Variants in STK39 observed in about 807,000 individuals in gnomAD.
STK39 encodes STE20/SPS1-related proline-alanine-rich protein kinase.
In STK39, 20 loss-of-function variants were observed where a neutral mutation model predicts 77.8. The observed-to-expected ratio is 0.26, with a 90% confidence interval of 0.18 to 0.37. The LOEUF (loss-of-function observed/expected upper bound fraction) is 0.37, where lower values mean the gene tolerates loss of function less well. Among genes scored for constraint, STK39 ranks in the 10% least tolerant of loss-of-function variants. STK39 has a pLI of 1.00. For synonymous variants in STK39, 246 were observed against 234.1 expected (o/e 1.05, Z -0.47); for missense variants, 479 against 656.5 (o/e 0.73, Z 2.95).
intron 5 of STK39, among the ~76,000 whole-genome samples, chr2:168,145,170 TC>T (rs1688103337): frequency 6.6e-6 from 1 of 151,854 alleles, no homozygotes; most frequent in African/African-American, 2.4e-5. Flanking sequence ...GGAAACAAAT[TC>T]CAGACAAAGA....
chr2:168,044,383 G>C (rs985098795), intron 14 of STK39, among the ~76,000 whole-genome samples: 2 of 152,166 alleles, frequency 1.3e-5, no homozygotes, highest in African/African-American at 4.8e-5. Flanking sequence ...ACTACGATAA[G>C]TTTGGAGTCC....
chr2:168,048,196 T>C (rs1240067372), intron 14 of STK39, among the ~76,000 whole-genome samples: 2 of 151,644 alleles, frequency 1.3e-5, no homozygotes, highest in African/African-American at 4.8e-5. Context: ...AGTTATTTTC[T>C]ACCTCCTTCT....
intron 14 of STK39, among the ~76,000 whole-genome samples, chr2:168,057,041 G>A (rs962915410): frequency 6.6e-6 from 1 of 152,164 alleles, no homozygotes; most frequent in Admixed American, 6.5e-5. Context: ...GAGGGGTGCT[G>A]GGGTGAGAGA....
intron 3 of STK39, among the ~76,000 whole-genome samples, chr2:168,164,207 G>A (rs1688643406): frequency 6.6e-6 from 1 of 152,144 alleles, no homozygotes; most frequent in African/African-American, 2.4e-5. Context: ...CAAAGAGGGT[G>A]CAAAAAGTCT....
At position 168,226,438 on chromosome 2, in the gene STK39, TA is replaced by T. The variant is rs1312969653; in HGVS notation, c.208+20789del. 3.3e-5 allele frequency among the ~76,000 whole-genome samples: 5 copies of T among 152,314 alleles called. No homozygotes were observed. In the East Asian group the frequency reaches 7.7e-4, roughly 23 times the overall value. Reference sequence around the variant, plus strand: ...GTTCCTTACAACCTAAAGGGCAGATTAACCAATTTTGTTATATTCTATAATC... The same window carrying T: ...GTTCCTTACAACCTAAAGGGCAGATTACCAATTTTGTTATATTCTATAATC... On this transcript the variant is annotated intron_variant, in intron 1 of 17. Coordinates refer to ENST00000355999, the MANE Select transcript of STK39 (RefSeq NM_013233.3).
intron 1 of STK39, among the ~76,000 whole-genome samples, chr2:168,195,262 T>C (rs1689439339): frequency 6.6e-6 from 1 of 152,054 alleles, no homozygotes; most frequent in Non-Finnish European, 1.5e-5. Context: ...TAGCCAGGCA[T>C]GGTGGCACAT....
chr2:168,068,965 G>A (rs1265887908), intron 12 of STK39, among the ~76,000 whole-genome samples: 1 of 152,108 alleles, frequency 6.6e-6, no homozygotes, highest in Non-Finnish European at 1.5e-5. Context: ...CACCTAGGCT[G>A]GAGTGCAGTG....
chr2:168,232,451 A>G (rs2105263088), intron 1 of STK39, among the ~76,000 whole-genome samples: 1 of 152,352 alleles, frequency 6.6e-6, no homozygotes, highest in Middle Eastern at 3.4e-3. Context: ...ATGGCTAAAA[A>G]TAATTTCATT....
chr2:168,205,567 G>A (rs542665839), intron 1 of STK39, among the ~76,000 whole-genome samples: 1 of 152,276 alleles, frequency 6.6e-6, no homozygotes, highest in South Asian at 2.1e-4. Flanking sequence ...CACTTTGGGA[G>A]GCTGAGGAAG....
At chr2:168,161,890 A>G in intron 4 of STK39, 48 bp from the exon 5 acceptor site, 1 of 1,408,460 alleles carries the variant, frequency 7.1e-7, no homozygotes, top group Non-Finnish European at 9.9e-7. Flanking sequence ...CAGACTTTAT[A>G]GTGTATTGAT....
intron 1 of STK39, among the ~76,000 whole-genome samples, chr2:168,210,780 T>C (rs1219645462): frequency 6.6e-6 from 1 of 152,100 alleles, no homozygotes; most frequent in Non-Finnish European, 1.5e-5. Flanking sequence ...TCAGCCTCCC[T>C]AAGTGCTGAA....
intron 14 of STK39, among the ~76,000 whole-genome samples, chr2:168,045,357 C>T (rs1035531757): frequency 4.0e-5 from 6 of 151,754 alleles, no homozygotes; most frequent in African/African-American, 1.2e-4. Flanking sequence ...GCCTCACCCA[C>T]CCCCACACCC....
chr2:168,218,474 G>A (rs1378936658), intron 1 of STK39, among the ~76,000 whole-genome samples: 5 of 152,296 alleles, frequency 3.3e-5, no homozygotes, highest in African/African-American at 9.6e-5. Context: ...ATAGGACAGC[G>A]GTATTTGCGT....
chr2:167,976,049 C>CA (rs1306080078), intron 16 of STK39, among the ~76,000 whole-genome samples: 1 of 152,184 alleles, frequency 6.6e-6, no homozygotes, highest in Non-Finnish European at 1.5e-5. Flanking sequence ...AAGAACTCCT[C>CA]AAAAAACTAT....
chr2:168,133,084 C>A (rs1019536097), intron 8 of STK39, among the ~76,000 whole-genome samples: 1 of 152,088 alleles, frequency 6.6e-6, no homozygotes, highest in African/African-American at 2.4e-5. Context: ...AAAGTGCCTC[C>A]CTGTCTCCTC....
In STK39 at chr2:168,153,639, TGG is replaced by T. The variant is rs11340305; in HGVS notation, c.628+8146_628+8147del. Among the ~76,000 whole-genome samples, 9 of 135,236 alleles carry T rather than the reference TGG, an allele frequency of 6.7e-5. No individual in the cohort carries two copies. The East Asian group carries it at 8.3e-4, about 12-fold the overall frequency. The allele number at this position is 135,236 out of a possible 152,430, so 88.7% of individuals were successfully genotyped here. A position where few individuals can be genotyped will look rare whatever the true frequency, so the allele number is the denominator to read the frequency against. Reference sequence around the variant, plus strand: ...AGGGCAGGGAATACAAAATATGGGGTGGGGGGGGGTTACAATATGAGGCCTGG... The same window carrying T: ...AGGGCAGGGAATACAAAATATGGGGTGGGGGGGTTACAATATGAGGCCTGG... On this transcript the variant is annotated intron_variant, in intron 5 of 17. Transcript: ENST00000355999.
chr2:168,133,421 C>G (rs948249954), intron 8 of STK39, among the ~76,000 whole-genome samples: 1 of 152,130 alleles, frequency 6.6e-6, no homozygotes, highest in Non-Finnish European at 1.5e-5. Context: ...ATAGGTAATT[C>G]CAACTTTACA....
chr2:168,105,313 A>C (rs760920595), intron 10 of STK39, among the ~76,000 whole-genome samples: 53 of 152,196 alleles, frequency 3.5e-4, no homozygotes, highest in Non-Finnish European at 1.8e-4. Flanking sequence ...TGGGAACAAA[A>C]GGCCTGCGCT....
intron 5 of STK39, among the ~76,000 whole-genome samples, chr2:168,152,703 C>T (rs1688321735): frequency 6.6e-6 from 1 of 152,152 alleles, no homozygotes; most frequent in South Asian, 2.1e-4. Context: ...GACAGAGTTG[C>T]TGTAAGGAGA....
Sources: allele counts gnomAD v4.1 joint callset (sites outside exome capture counted in the v4.1 genomes callset), GRCh38; gene constraint gnomAD v4.1.1; transcripts MANE v1.5; gene names NCBI Gene and HGNC (gene_info 2026-07-23, HGNC 2026-07-21).